WNK3: variants seen among roughly 807,000 people sequenced by gnomAD.
WNK3 encodes WNK lysine deficient protein kinase 3.
A neutral mutation model predicts 116.7 loss-of-function variants in WNK3; 18 were observed. That is an observed-to-expected ratio of 0.15 (90% CI 0.11 to 0.23). The LOEUF is 0.23. Among genes scored for constraint, WNK3 ranks in the 10% least tolerant of loss-of-function variants. WNK3 has a pLI of 1.00. For synonymous variants in WNK3, 404 were observed against 469.4 expected (o/e 0.86, Z 1.80); for missense variants, 993 against 1,323.8 (o/e 0.75, Z 3.88).
At position 54,291,323 on chromosome X, in the gene WNK3, A is replaced by G. The variant is rs782706417; in HGVS notation, c.2037+1565T>C. Among the ~76,000 whole-genome samples the G allele has an allele frequency of 3.5e-4, 39 of 111,716 alleles. No individual in the cohort carries two copies. In the South Asian group the frequency reaches 0.014, roughly 41 times the overall value. Reference sequence around the variant, plus strand: ...ATGAGACTCCATCTCAAAAAAAACAAAACAAAACGAAACAAAACAAAACAA... The same window carrying G: ...ATGAGACTCCATCTCAAAAAAAACAGAACAAAACGAAACAAAACAAAACAA... On this transcript the variant is annotated intron_variant, in intron 10 of 23. Transcript: ENST00000354646.
chrX:54,340,189 C>G, intron 1 of WNK3, among the ~76,000 whole-genome samples: 1 of 111,173 alleles, frequency 9.0e-6, no homozygotes, highest in East Asian at 2.8e-4. Flanking sequence ...AGCTTCACCT[C>G]ATCAAAATTT....
chrX:54,332,679 G>A (rs1305962981), intron 2 of WNK3, among the ~76,000 whole-genome samples: 1 of 110,091 alleles, frequency 9.1e-6, no homozygotes, highest in African/African-American at 3.3e-5. Flanking sequence ...CTGAGGTCAG[G>A]AGTTCAAGAC....
intron 8 of WNK3, 143 bp downstream of exon 8, chrX:54,294,410 A>C (rs1465292555): frequency 2.4e-6 from 1 of 412,415 alleles, no homozygotes; most frequent in Non-Finnish European, 3.9e-6. Context: ...TATTTAGAGC[A>C]CAGAAGTGCT....
At chrX:54,342,171 G>A (rs988449330) in intron 1 of WNK3, among the ~76,000 whole-genome samples, 6 of 111,876 alleles carry the variant, frequency 5.4e-5, no homozygotes, top group Admixed American at 1.9e-4. Flanking sequence ...AGGAGGCAGA[G>A]GTGGGAGGAT....
chrX:54,308,110 T>C (rs782295689), intron 4 of WNK3, 31 bp from the exon 5 acceptor site: 6 of 1,125,880 alleles, frequency 5.3e-6, no homozygotes, highest in Admixed American at 2.6e-5. Flanking sequence ...CACATTCTTA[T>C]AGAAGAGAAA....
At chrX:54,337,515 C>T (rs782798903) in intron 1 of WNK3, among the ~76,000 whole-genome samples, 6 of 107,678 alleles carry the variant, frequency 5.6e-5, no homozygotes, top group East Asian at 2.9e-4. Flanking sequence ...GCCGAGATTG[C>T]GCCACTGCAC....
At chrX:54,245,997 AT>A (rs2068071585) in intron 17 of WNK3, among the ~76,000 whole-genome samples, 1 of 112,037 alleles carries the variant, frequency 8.9e-6, no homozygotes, top group Non-Finnish European at 1.9e-5. Flanking sequence ...GCAAAAAACT[AT>A]TTTTCCATAA....
At chrX:54,235,534 G>A (rs782552310) in intron 20 of WNK3, among the ~76,000 whole-genome samples, 4 of 111,338 alleles carry the variant, frequency 3.6e-5, no homozygotes, top group East Asian at 2.8e-4. Flanking sequence ...TGATCCACCC[G>A]CCTCGGCCTC....
intron 22 of WNK3, among the ~76,000 whole-genome samples, 195 bp downstream of exon 22, chrX:54,228,519 T>G (rs1163858186): frequency 9.0e-6 from 1 of 111,243 alleles, no homozygotes; most frequent in Admixed American, 9.6e-5. Flanking sequence ...GGAGCTACAA[T>G]GAGGGATGAC....
chrX:54,227,806 A>G (rs2067858924), intron 22 of WNK3, among the ~76,000 whole-genome samples: 1 of 113,109 alleles, frequency 8.8e-6, no homozygotes, highest in Non-Finnish European at 1.9e-5. Context: ...ATATATGCTA[A>G]GTGAAAAAAG....
At chrX:54,254,973 G>A (rs782125384) in intron 12 of WNK3, among the ~76,000 whole-genome samples, 17 of 110,419 alleles carry the variant, frequency 1.5e-4, no homozygotes, top group South Asian at 3.9e-4. Context: ...AACTTACTTC[G>A]CTCCTCTGAT....
intron 22 of WNK3, among the ~76,000 whole-genome samples, chrX:54,208,582 C>G (rs914230337): frequency 9.0e-6 from 1 of 110,826 alleles, no homozygotes; most frequent in South Asian, 3.9e-4. Context: ...GACATATTGC[C>G]CAGGCTGGTC....
intron 17 of WNK3, among the ~76,000 whole-genome samples, chrX:54,242,966 T>C (rs1029152859): frequency 1.8e-5 from 2 of 110,311 alleles, no homozygotes; most frequent in Non-Finnish European, 3.8e-5. Flanking sequence ...ATCCAGAATA[T>C]ACAAAGATTT....
intron 22 of WNK3, among the ~76,000 whole-genome samples, chrX:54,207,734 A>G (rs2495788): frequency 0.3 from 32,925 of 108,491 alleles, 8,073 homozygotes; most frequent in African/African-American, 0.83. Flanking sequence ...GGCTGGTCTC[A>G]AACTCCTGAC....
intron 1 of WNK3, among the ~76,000 whole-genome samples, chrX:54,339,523 A>G (rs2069290560): frequency 9.0e-6 from 1 of 111,645 alleles, no homozygotes; most frequent in African/African-American, 3.2e-5. Flanking sequence ...TTAGAAATGA[A>G]CAACAGGGTA....
chrX:54,271,541 A>G (rs892208754), intron 10 of WNK3, among the ~76,000 whole-genome samples: 21 of 112,531 alleles, frequency 1.9e-4, no homozygotes, highest in Non-Finnish European at 3.4e-4. Context: ...CTGGTGATCT[A>G]TACTAAAACC....
chrX:54,341,398 A>G (rs1356417641), intron 1 of WNK3, among the ~76,000 whole-genome samples: 2 of 106,603 alleles, frequency 1.9e-5, no homozygotes, highest in Admixed American at 1.0e-4. Flanking sequence ...CTCCATCTCA[A>G]AAAAAAAAAA....
intron 13 of WNK3, among the ~76,000 whole-genome samples, chrX:54,253,353 T>A (rs1321766277): frequency 9.0e-6 from 1 of 111,130 alleles, no homozygotes; most frequent in Non-Finnish European, 1.9e-5. Context: ...ACAGCCTCAA[T>A]CTCCTGGGCT....
chrX:54,234,105 G>A (rs1284595302), intron 20 of WNK3, among the ~76,000 whole-genome samples: 1 of 112,002 alleles, frequency 8.9e-6, no homozygotes, highest in Non-Finnish European at 1.9e-5. Context: ...CAGGCATGGT[G>A]TCTCATGCCT....
Sources: allele counts gnomAD v4.1 joint callset (sites outside exome capture counted in the v4.1 genomes callset), GRCh38; gene constraint gnomAD v4.1.1; transcripts MANE v1.5; gene names NCBI Gene and HGNC (gene_info 2026-07-23, HGNC 2026-07-21).